Variants in PC observed in about 807,000 individuals in gnomAD.
The protein encoded by PC is pyruvate carboxylase, mitochondrial.
PC carries 46 observed loss-of-function variants against 107.8 expected under a neutral mutation model. That is an observed-to-expected ratio of 0.43 (90% CI 0.34 to 0.55). The LOEUF is 0.55. Ranked by LOEUF, PC falls within the 20% of genes least tolerant of loss-of-function variation. The pLI is 0.04. For synonymous variants in PC, 662 were observed against 684.7 expected (o/e 0.97, Z 0.52); for missense variants, 1,241 against 1,643.1 (o/e 0.76, Z 4.23).
intron 3 of PC, among the ~76,000 whole-genome samples, chr11:66,912,140 C>T (rs1377509627): frequency 6.6e-6 from 1 of 152,216 alleles, no homozygotes; most frequent in African/African-American, 2.4e-5. Context: ...GTTCATGGGT[C>T]AGAGACTTCC....
intron 3 of PC, among the ~76,000 whole-genome samples, chr11:66,904,940 G>A (rs1427479685): frequency 2.0e-5 from 3 of 152,258 alleles, no homozygotes; most frequent in Admixed American, 1.3e-4. Context: ...AGCACAGAGC[G>A]CTGACAATTA....
intron 3 of PC, among the ~76,000 whole-genome samples, chr11:66,917,615 T>A (rs1948493805): frequency 6.6e-6 from 1 of 152,218 alleles, no homozygotes; most frequent in Non-Finnish European, 1.5e-5. Flanking sequence ...GACGCTGTCC[T>A]CAATCTTGTC....
At position 66,859,742 on chromosome 11, in the gene PC, C is replaced by T. The variant is rs748719583; in HGVS notation, c.1368+4032G>A. On this transcript the variant is annotated intron_variant, in intron 12 of 22. Coordinates refer to ENST00000393960, the MANE Select transcript of PC (RefSeq NM_001040716.2). Reference sequence around the variant, plus strand: ...TGTCACCGGCCGCTGGGCCCTCTGACCTCACGGCCACCAGGCTGCTGGGCT... The same window carrying T: ...TGTCACCGGCCGCTGGGCCCTCTGATCTCACGGCCACCAGGCTGCTGGGCT... 3 of 1,610,146 alleles carry T rather than the reference C, an allele frequency of 1.9e-6. No homozygotes were observed. The South Asian group carries it at 3.3e-5, about 18-fold the overall frequency.
At chr11:66,950,497 A>G (rs76964426) in intron 3 of PC, among the ~76,000 whole-genome samples, 5,832 of 152,242 alleles carry the variant, frequency 0.038, 357 homozygotes, top group African/African-American at 0.13. Context: ...ACACTTAACA[A>G]CACAACAAAG....
chr11:66,866,484 C>A lies in PC; in HGVS notation c.1023-135G>T. ...TCCTGCCCATAGGCTCTGGGCCAGC[C>A]TGAACAGCCGGTTCCTCCCAACCAG... On this transcript the variant is annotated intron_variant, in intron 10 of 22. Transcript: ENST00000393960. This position sits in a 1 kb window ranked among gnomAD's most constrained non-coding sequence, Gnocchi z 5.4. The A allele has an allele frequency of 1.5e-6, 1 of 684,714 alleles. No individual in the cohort carries two copies. The highest frequency in any genetic ancestry group is 2.7e-5 in the East Asian group (1 of 36,402). The allele number at this position is 684,714 out of a possible 1,614,324, so 42.4% of individuals were successfully genotyped here.
chr11:66,881,256 G>C (rs979928604), intron 3 of PC, among the ~76,000 whole-genome samples: 2 of 152,228 alleles, frequency 1.3e-5, no homozygotes, highest in African/African-American at 4.8e-5. Flanking sequence ...CCAGCTGACA[G>C]ATCCCTTTTC....
rs747898966 is a variant in PC, at chr11:66,870,559, A to C, written c.752-106T>G. ...CTGTCGCCAGTCAGTGCCGGCTGCC[A>C]GCGGTACAGAGGCTGCCAGGAGAGA... On this transcript the variant is annotated intron_variant, in intron 8 of 22. Transcript: ENST00000393960. This position sits in a 1 kb window ranked among gnomAD's most constrained non-coding sequence, Gnocchi z 6.1. The C allele has an allele frequency of 7.5e-7, 1 of 1,340,544 alleles. No homozygotes were observed. Among genetic ancestry groups the C allele is most frequent in the Non-Finnish European group, 1.0e-6 (1 of 953,572 alleles). The allele number at this position is 1,340,544 out of a possible 1,614,324, so 83.0% of individuals were successfully genotyped here.
intron 12 of PC, among the ~76,000 whole-genome samples, chr11:66,861,701 G>A (rs932291036): frequency 8.5e-5 from 13 of 152,168 alleles, no homozygotes; most frequent in East Asian, 1.9e-4. Context: ...CACGCTGGGC[G>A]CTAGCATGAG....
chr11:66,922,136 G>A (rs570774821), intron 3 of PC, among the ~76,000 whole-genome samples: 1 of 152,310 alleles, frequency 6.6e-6, no homozygotes, highest in East Asian at 1.9e-4. Context: ...AAGTCAGAGA[G>A]GAGAGTGTGG....
intron 3 of PC, among the ~76,000 whole-genome samples, chr11:66,939,804 C>CAAAAAAAAAAAAAAAAAAAAAAACAAAA (rs56761659): frequency 7.5e-5 from 3 of 40,162 alleles, no homozygotes; most frequent in Admixed American, 3.9e-4. Flanking sequence ...AACTCCGTCT[C>CAAAAAAAAAAAAAAAAAAAAAAACAAAA]AAAAAAAAAA....
chr11:66,936,348 CAG>C (rs1277606650), intron 3 of PC, among the ~76,000 whole-genome samples: 1 of 151,986 alleles, frequency 6.6e-6, no homozygotes, highest in Non-Finnish European at 1.5e-5. Flanking sequence ...TTATCAAGAA[CAG>C]AACATCAGCA....
At chr11:66,908,994 G>T (rs546966592) in intron 3 of PC, among the ~76,000 whole-genome samples, 6 of 152,320 alleles carry the variant, frequency 3.9e-5, no homozygotes, top group Admixed American at 2.0e-4. Flanking sequence ...TACCCGGAAG[G>T]TGAGCTCAGA....
intron 3 of PC, among the ~76,000 whole-genome samples, chr11:66,939,698 G>A (rs1368042567): frequency 6.7e-6 from 1 of 149,510 alleles, no homozygotes; most frequent in African/African-American, 2.5e-5. Flanking sequence ...CAGCTACTCG[G>A]AAGGCTGAGG....
intron 10 of PC, among the ~76,000 whole-genome samples, chr11:66,868,527 G>A (rs948971837): frequency 4.6e-5 from 7 of 152,204 alleles, no homozygotes; most frequent in African/African-American, 1.7e-4. Context: ...GTGACCCCGA[G>A]CAACTCTCCA....
intron 12 of PC, chr11:66,856,845 G>T (rs1254222325): frequency 6.7e-6 from 1 of 150,076 alleles, no homozygotes; most frequent in Non-Finnish European, 1.5e-5. Context: ...ATGGCCGGGG[G>T]CGCGCGCGCC....
chr11:66,940,732 G>A (rs888249658), intron 3 of PC, among the ~76,000 whole-genome samples: 6 of 150,608 alleles, frequency 4.0e-5, no homozygotes, highest in Admixed American at 1.3e-4. Flanking sequence ...AAAGGCAAAG[G>A]ACTTGAACAG....
At position 66,850,257 on chromosome 11, in the gene PC, T is replaced by C; in HGVS notation, c.2681A>G (p.Tyr894Cys). 4 of 1,614,088 alleles carry C rather than the reference T, an allele frequency of 2.5e-6. No homozygotes were observed. Among genetic ancestry groups the C allele is most frequent in the East Asian group, 2.2e-5 (1 of 44,884 alleles). The change falls in exon 19 of 23, where the codon TAT becomes TGT. Residue 894 changes from tyrosine to cysteine, a missense_variant. Tyr to Cys is a radical substitution (Grantham distance 194). Transcript: ENST00000393960. The part of the protein sequence containing the change: ...GSKFKEVKKA[Y>C]VEANQMLGDL... Reference sequence around the variant, plus strand: ...GCCCAGCATCTGGTTGGCCTCCACATAGGCCTTCTTGACCTCCTTGAACTT... The same window carrying C: ...GCCCAGCATCTGGTTGGCCTCCACACAGGCCTTCTTGACCTCCTTGAACTT...
At chr11:66,936,076 C>T (rs1948994401) in intron 3 of PC, among the ~76,000 whole-genome samples, 1 of 98,832 alleles carries the variant, frequency 1.0e-5, no homozygotes, top group African/African-American at 4.3e-5. Context: ...GAGACCCTGT[C>T]TCAAAAAAAA....
At chr11:66,905,043 A>G (rs1254626919) in intron 3 of PC, among the ~76,000 whole-genome samples, 2 of 152,224 alleles carry the variant, frequency 1.3e-5, no homozygotes, top group Non-Finnish European at 2.9e-5. Context: ...ATTAGATTTC[A>G]CCTCATCAGA....
Sources: allele counts gnomAD v4.1 joint callset (sites outside exome capture counted in the v4.1 genomes callset), GRCh38; gene constraint gnomAD v4.1.1; non-coding constraint Gnocchi (gnomAD v3.1); transcripts MANE v1.5; gene names NCBI Gene and HGNC (gene_info 2026-07-23, HGNC 2026-07-21).